Variants in HTR4 observed in about 807,000 individuals in gnomAD.
HTR4 encodes 5-hydroxytryptamine (serotonin) receptor 4, G protein-coupled.
A neutral mutation model predicts 36.8 loss-of-function variants in HTR4; 16 were observed. The ratio of observed to expected loss-of-function variants is 0.43; its 90% CI spans 0.29 to 0.66. HTR4 has a LOEUF of 0.66. Among genes scored for constraint, HTR4 ranks in the 30% least tolerant of loss-of-function variants. The pLI is 0.13. For synonymous variants in HTR4, 189 were observed against 185.1 expected (o/e 1.02, Z -0.17); for missense variants, 438 against 490.9 (o/e 0.89, Z 1.02).
intron 2 of HTR4, among the ~76,000 whole-genome samples, chr5:148,635,927 T>C (rs1462512497): frequency 6.6e-6 from 1 of 152,188 alleles, no homozygotes; most frequent in Admixed American, 6.6e-5. Flanking sequence ...GTAAAATGTT[T>C]TATTGCTAAA....
In HTR4 at chr5:148,509,496, A is replaced by G. The variant is rs1214839611; in HGVS notation, c.1036T>C (p.Cys346Arg). 1 of 1,613,584 alleles carries G rather than the reference A, an allele frequency of 6.2e-7. No individual in the cohort carries two copies. The highest frequency in any genetic ancestry group is 8.5e-7 in the Non-Finnish European group (1 of 1,179,718). ...RPSILGQTVP[C>R]STTTINGSTH... is the part of the protein sequence containing the mutation. ...GATCCATTAATGGTTGTGGTTGAAC[A>G]AGGGACAGTCTGGCCCAGAATGGAA... Residue 346 changes from cysteine to arginine, a missense_variant, in exon 6 of 7, where the codon TGT (cysteine) becomes CGT (arginine). Physicochemically the swap from Cys to Arg is radical, Grantham distance 180. Transcript: ENST00000377888.
chr5:148,610,147 T>G (rs1345115491), intron 2 of HTR4, among the ~76,000 whole-genome samples: 4 of 152,206 alleles, frequency 2.6e-5, no homozygotes. Context: ...GGAGGCCTTC[T>G]TCAGCCCTCA....
At position 148,509,982 on chromosome 5, in the gene HTR4, A is replaced by C; in HGVS notation, c.550T>G (p.Cys184Gly). 1 of 1,613,708 alleles carries C rather than the reference A, an allele frequency of 6.2e-7. No homozygotes were observed. Among genetic ancestry groups the C allele is most frequent in the Non-Finnish European group, 8.5e-7 (1 of 1,179,834 alleles). ...KFNQNSNSTY[C>G]VFMVNKPYAI... Reference sequence around the variant, plus strand: ...TAGGGCTTGTTGACCATGAAGACACAGTACGTAGAGTTAGAGTTCTGGTTG... The same window carrying C: ...TAGGGCTTGTTGACCATGAAGACACCGTACGTAGAGTTAGAGTTCTGGTTG... The change falls in exon 6 of 7, where the codon TGT (cysteine) becomes GGT (glycine). Residue 184 changes from cysteine to glycine, a missense_variant. Cys to Gly is a radical substitution (Grantham distance 159, BLOSUM62 -3). Coordinates refer to ENST00000377888, the MANE Select transcript of HTR4 (RefSeq NM_000870.7).
intron 5 of HTR4, chr5:148,465,959 G>T: frequency 6.2e-7 from 1 of 1,600,342 alleles, no homozygotes; most frequent in South Asian, 1.1e-5. Context: ...CCACAGATGA[G>T]GGAGAGCCAA....
chr5:148,557,277 G>A (rs1171401218), intron 2 of HTR4, among the ~76,000 whole-genome samples: 1 of 152,088 alleles, frequency 6.6e-6, no homozygotes, highest in Non-Finnish European at 1.5e-5. Flanking sequence ...AGAGAAGTGG[G>A]TGGAATAAAG....
At chr5:148,548,931 G>T in intron 3 of HTR4, 63 bp from the exon 4 acceptor site, 2 of 1,157,180 alleles carry the variant, frequency 1.7e-6, no homozygotes, top group Non-Finnish European at 1.3e-6. Context: ...AGGGGAGGGA[G>T]AAGAGATCAA....
At chr5:148,550,105 G>A in intron 3 of HTR4, 32 bp downstream of exon 3, 1 of 1,612,860 alleles carries the variant, frequency 6.2e-7, no homozygotes, top group Non-Finnish European at 8.5e-7. Flanking sequence ...GAACTCCCAT[G>A]TTTCCTCAAA....
chr5:148,528,083 G>A (rs1217522508), intron 4 of HTR4, among the ~76,000 whole-genome samples: 2 of 152,326 alleles, frequency 1.3e-5, no homozygotes, highest in African/African-American at 2.4e-5. Flanking sequence ...TTAGGCAAGG[G>A]TGGGAAGAAT....
At chr5:148,473,000 G>A (rs566419217), downstream of HTR4, among the ~76,000 whole-genome samples, 16 of 152,218 alleles carry the variant, frequency 1.1e-4, no homozygotes, top group South Asian at 2.9e-3. Context: ...CAGATGTAGA[G>A]GGAAAAAAGG....
chr5:148,565,170 A>C (rs1760384260), intron 2 of HTR4, among the ~76,000 whole-genome samples: 1 of 151,952 alleles, frequency 6.6e-6, no homozygotes, highest in Non-Finnish European at 1.5e-5. Context: ...GTTGTTTGGC[A>C]TGTAGTGTCT....
At chr5:148,598,146 G>C (rs1206700420) in intron 2 of HTR4, among the ~76,000 whole-genome samples, 1 of 152,136 alleles carries the variant, frequency 6.6e-6, no homozygotes, top group African/African-American at 2.4e-5. Flanking sequence ...AAAAGGGTAT[G>C]TGCACAGGAG....
rs1012887435 is a variant in HTR4 at position 148,482,613 on chromosome 5, C to G, written c.*590G>C. ...CGTCTGGGACTGACAAGGGGGCCAA[C>G]CAAGAGGATGCACGTTTGGACCCAG... is the stretch of plus-strand genomic sequence containing the variant. On this transcript the variant is annotated 3_prime_UTR_variant, in exon 7 of 7. Transcript: ENST00000377888. 1.0e-6 allele frequency: 1 copy of G among 987,266 alleles called. No individual in the cohort carries two copies. The highest frequency in any genetic ancestry group is 1.7e-5 in the African/African-American group (1 of 57,208). 61.2% of individuals were successfully genotyped at this position (987,266 alleles called of 1,614,324 possible).
At chr5:148,461,820 T>G (rs1419970330) in intron 5 of HTR4, 1 of 152,048 alleles carries the variant, frequency 6.6e-6, no homozygotes, top group Non-Finnish European at 1.5e-5. Flanking sequence ...ACATTCTTCT[T>G]AAGTTCATAT....
At chr5:148,633,848 T>C (rs954725306) in intron 2 of HTR4, among the ~76,000 whole-genome samples, 2 of 152,244 alleles carry the variant, frequency 1.3e-5, no homozygotes, top group African/African-American at 4.8e-5. Context: ...ACTCCCAAAG[T>C]TCTTTTTTAT....
intron 2 of HTR4, among the ~76,000 whole-genome samples, chr5:148,592,558 C>A (rs970410031): frequency 1.3e-5 from 2 of 151,982 alleles, no homozygotes; most frequent in African/African-American, 2.4e-5. Context: ...AATATTTTGT[C>A]TTCTATGTCT....
chr5:148,523,419 G>A (rs1220239376), intron 4 of HTR4, 73 bp from the exon 5 acceptor site: 25 of 1,297,866 alleles, frequency 1.9e-5, no homozygotes, highest in African/African-American at 6.0e-5. Flanking sequence ...GAGAATATAT[G>A]AGAGAGAAAA....
chr5:148,458,127 A>C (rs1225746495), intron 5 of HTR4, among the ~76,000 whole-genome samples: 1 of 138,290 alleles, frequency 7.2e-6, no homozygotes, highest in East Asian at 2.0e-4. Context: ...CTTAAAATAT[A>C]ATATATTTTA....
At chr5:148,630,691 C>A (rs1753291371) in intron 2 of HTR4, among the ~76,000 whole-genome samples, 1 of 152,118 alleles carries the variant, frequency 6.6e-6, no homozygotes, top group Non-Finnish European at 1.5e-5. Context: ...ATATCTACCT[C>A]TCATGATACT....
At chr5:148,475,206 G>A (rs529002806), downstream of HTR4, among the ~76,000 whole-genome samples, 1 of 152,254 alleles carries the variant, frequency 6.6e-6, no homozygotes, top group Admixed American at 6.5e-5. Context: ...TCATGAGTTA[G>A]GTAGTGTTAA....
Sources: allele counts gnomAD v4.1 joint callset (sites outside exome capture counted in the v4.1 genomes callset), GRCh38; gene constraint gnomAD v4.1.1; transcripts MANE v1.5; gene names NCBI Gene and HGNC (gene_info 2026-07-23, HGNC 2026-07-21).